Variants in MLIP observed in about 807,000 individuals in gnomAD.
MLIP encodes the protein muscular LMNA-interacting protein.
In MLIP, 79 loss-of-function variants were observed where a neutral mutation model predicts 84.8. The ratio of observed to expected loss-of-function variants is 0.93; its 90% confidence interval spans 0.78 to 1.12. MLIP has a LOEUF of 1.12. Ranked by LOEUF, MLIP falls within the 50% of genes most tolerant of loss-of-function variation. MLIP has a pLI of 0.00. For missense variants in MLIP, 1,257 were observed against 1,160.6 expected (o/e 1.08, Z -1.21); for synonymous variants, 504 against 463.0 (o/e 1.09, Z -1.14).
At chr6:54,183,924 C>T (rs1454786280) in intron 9 of MLIP, among the ~76,000 whole-genome samples, 8 of 151,818 alleles carry the variant, frequency 5.3e-5, no homozygotes, top group Admixed American at 1.3e-4. Context: ...ATGGCCTTGG[C>T]GTCTAACATT....
At position 54,230,835 on chromosome 6, in the gene MLIP, G is replaced by A. The variant is rs748652511; in HGVS notation, c.2840G>A (p.Gly947Glu). The A allele has an allele frequency of 6.2e-7, 1 of 1,613,838 alleles. No individual in the cohort carries two copies. The highest frequency in any genetic ancestry group is 8.5e-7 in the Non-Finnish European group (1 of 1,179,982). Residue 947 changes from glycine (G) to glutamate (E), a missense_variant, in exon 12 of 14, where the codon GGA becomes GAA. By Grantham distance (98) the Gly-to-Glu change is moderately conservative. Transcript: ENST00000502396. ...TCACATGCTGACTGTCTTGCCCCAG[G>A]ACCCTTCAGTCATCTGTCCTTCTCC... is the stretch of plus-strand genomic sequence containing the variant. ...TLSHADCLAP[G>E]PFSHLSFSLS...
intron 1 of MLIP, among the ~76,000 whole-genome samples, chr6:54,070,412 A>T (rs936061607): frequency 6.6e-5 from 10 of 152,196 alleles, no homozygotes; most frequent in Non-Finnish European, 1.5e-4. Context: ...CTTACATTTT[A>T]GCCACAAAAA....
intron 12 of MLIP, among the ~76,000 whole-genome samples, chr6:54,255,645 T>C (rs1782957204): frequency 6.6e-6 from 1 of 152,122 alleles, no homozygotes; most frequent in Admixed American, 6.6e-5. Flanking sequence ...GTTTTTGAAA[T>C]TCAAGATTAA....
intron 11 of MLIP, chr6:54,217,072 A>C: frequency 6.1e-6 from 6 of 985,458 alleles, no homozygotes; most frequent in Non-Finnish European, 7.2e-6. Context: ...ATTTAAAAAT[A>C]AATGTTGCTT....
At chr6:54,218,269 A>G (rs1177563787) in intron 11 of MLIP, among the ~76,000 whole-genome samples, 3 of 152,210 alleles carry the variant, frequency 2.0e-5, no homozygotes, top group East Asian at 3.8e-4. Context: ...TGTACAGCAT[A>G]TTACTGTACT....
Position 54,111,502 on chromosome 6 carries a change from T to G in MLIP, c.23T>G (p.Leu8Arg). 1 of 1,536,102 alleles carries G rather than the reference T, an allele frequency of 6.5e-7. No homozygotes were observed. The highest frequency in any genetic ancestry group is 8.7e-7 in the Non-Finnish European group (1 of 1,146,858). Residue 8 changes from leucine to arginine, a missense_variant, in exon 1 of 14, where the codon CTG (leucine) becomes CGG (arginine). By Grantham distance (102) the Leu-to-Arg change is moderately radical. Transcript: ENST00000502396. MLSEQGL[L>R]SDCGNNYFQM... The stretch of plus-strand genomic sequence containing the variant: ...TCAATGCTTTCAGAACAGGGGCTTC[T>G]GAGTGACTGCGGGAACAATTACTTC...
chr6:54,125,410 G>A (rs751625386), intron 3 of MLIP, among the ~76,000 whole-genome samples: 1 of 152,174 alleles, frequency 6.6e-6, no homozygotes. Flanking sequence ...AAGCCACAAG[G>A]CTGGGGTTGA....
At chr6:54,198,427 G>T (rs768266883) in intron 10 of MLIP, among the ~76,000 whole-genome samples, 2 of 152,168 alleles carry the variant, frequency 1.3e-5, no homozygotes, top group African/African-American at 4.8e-5. Context: ...TTCCAAGAGA[G>T]ACTTATGTGT....
In MLIP at chr6:54,124,749, A is replaced by G. The variant is rs766939736; in HGVS notation, c.529A>G (p.Ile177Val). 4 of 1,614,196 alleles carry G rather than the reference A, an allele frequency of 2.5e-6. No individual in the cohort carries two copies. Among genetic ancestry groups the G allele is most frequent in the African/African-American group, 1.3e-5 (1 of 75,058 alleles). ...TAAVRPKSLA[I>V]SSSLVSDVVR... ...AGCTGTCCGGCCCAAGTCTCTAGCT[A>G]TCTCGTCCAGTCTGGTCTCTGATGT... Residue 177 changes from isoleucine (I) to valine (V), a missense_variant, in exon 3 of 14, where the codon ATC (isoleucine) becomes GTC (valine). By Grantham distance (29) the Ile-to-Val change is conservative. Transcript: ENST00000502396.
intron 8 of MLIP, among the ~76,000 whole-genome samples, chr6:54,165,132 A>C (rs1337396544): frequency 6.6e-6 from 1 of 151,952 alleles, no homozygotes; most frequent in Admixed American, 6.6e-5. Flanking sequence ...CCTGAAGCCC[A>C]AGTCCTAGCA....
At chr6:54,059,612 G>T (rs1403448378) in intron 1 of MLIP, among the ~76,000 whole-genome samples, 2 of 151,968 alleles carry the variant, frequency 1.3e-5, no homozygotes, top group Non-Finnish European at 2.9e-5. Context: ...TAGAAATGAA[G>T]GTGCAAAGTC....
rs1374389117 is a variant in MLIP, at chr6:54,137,939, T to C, written c.1870T>C (p.Ser624Pro). The change falls in exon 4 of 14, where the codon TCT (serine) becomes CCT (proline). Residue 624 changes from serine (S) to proline (P), a missense_variant. Physicochemically the swap from Ser to Pro is moderately conservative, Grantham distance 74. Transcript: ENST00000502396. ...SPALSSLINR[S>P]KRASSQLSGQ... Reference sequence around the variant, plus strand: ...AGCTCTTTCAAGCCTGATAAACAGATCTAAAAGAGCATCATCCCAACTATC... The same window carrying C: ...AGCTCTTTCAAGCCTGATAAACAGACCTAAAAGAGCATCATCCCAACTATC... 2.7e-5 allele frequency: 41 copies of C among 1,535,974 alleles called. No individual in the cohort carries two copies. Among genetic ancestry groups the C allele is most frequent in the Non-Finnish European group, 3.6e-5 (41 of 1,146,900 alleles).
At chr6:54,174,282 T>A (rs748487777) in intron 9 of MLIP, among the ~76,000 whole-genome samples, 4 of 152,096 alleles carry the variant, frequency 2.6e-5, no homozygotes, top group Admixed American at 6.6e-5. Context: ...TCATACATGG[T>A]AGCTCTTTCT....
chr6:54,179,833 T>A (rs1776669537), intron 9 of MLIP, among the ~76,000 whole-genome samples: 1 of 152,142 alleles, frequency 6.6e-6, no homozygotes, highest in African/African-American at 2.4e-5. Context: ...GCAGTTTACA[T>A]ACCACAATTA....
chr6:54,052,866 G>C lies in MLIP; in HGVS notation c.63+33775G>C, dbSNP rs1331331488. 5.3e-5 allele frequency among the ~76,000 whole-genome samples: 8 copies of C among 152,296 alleles called. No homozygotes were observed. In the East Asian group the frequency reaches 1.5e-3, roughly 29 times the overall value. On this transcript the variant is annotated intron_variant, in intron 1 of 12. Coordinates refer to the MLIP transcript ENST00000274897. ...TAAAGTGAATCTGAGGTTTATTTCAGAGGATAAAGGAATAGTGGTGAATGA... is the reference window on the plus strand; with the variant it reads ...TAAAGTGAATCTGAGGTTTATTTCACAGGATAAAGGAATAGTGGTGAATGA...
intron 1 of MLIP, among the ~76,000 whole-genome samples, chr6:54,096,155 G>T (rs1173396451): frequency 6.6e-6 from 1 of 152,154 alleles, no homozygotes; most frequent in Non-Finnish European, 1.5e-5. Flanking sequence ...TGTGGTGCAT[G>T]CCTGCAGTCC....
intron 9 of MLIP, among the ~76,000 whole-genome samples, chr6:54,177,397 C>T (rs1020758637): frequency 2.0e-5 from 3 of 151,980 alleles, no homozygotes; most frequent in African/African-American, 7.2e-5. Flanking sequence ...CACAAACAGA[C>T]AATTGTCAAA....
chr6:54,120,425 G>A (rs1770345443), intron 1 of MLIP, among the ~76,000 whole-genome samples: 1 of 151,918 alleles, frequency 6.6e-6, no homozygotes, highest in African/African-American at 2.4e-5. Context: ...TTTTAATAGA[G>A]ATGGGGTTTC....
chr6:54,256,731 C>A (rs1783030297), intron 12 of MLIP, among the ~76,000 whole-genome samples: 2 of 152,102 alleles, frequency 1.3e-5, no homozygotes, highest in Admixed American at 1.3e-4. Context: ...GTTAAAGTGT[C>A]TCTATGATAT....
Sources: gnomAD v4.1 joint callset for allele counts (sites outside exome capture counted in the v4.1 genomes callset) on GRCh38, gnomAD v4.1.1 for gene constraint, MANE v1.5 for transcripts, NCBI Gene and HGNC (gene_info 2026-07-23, HGNC 2026-07-21) for gene names.